Variants in CAPZB observed in about 807,000 individuals in gnomAD.
The protein encoded by CAPZB is F-actin-capping protein subunit beta.
In CAPZB, 2 loss-of-function variants were observed where a neutral mutation model predicts 38.1. The ratio of observed to expected loss-of-function variants is 0.05; its 90% CI spans 0.02 to 0.17. CAPZB has a LOEUF of 0.17. Ranked by LOEUF, CAPZB falls within the 10% of genes least tolerant of loss-of-function variation. The pLI is 1.00. For missense variants in CAPZB, 161 were observed against 334.2 expected, an observed-to-expected ratio of 0.48 and a Z score of 4.04; for synonymous variants, 107 against 127.4, an observed-to-expected ratio of 0.84 and a Z score of 1.08.
intron 4 of CAPZB, among the ~76,000 whole-genome samples, chr1:19,364,387 G>A (rs1418057080): frequency 6.6e-6 from 1 of 152,168 alleles, no homozygotes; most frequent in South Asian, 2.1e-4. Context: ...CAGTGACAGT[G>A]AACTCATTAC....
In CAPZB at chr1:19,416,860, C is replaced by CAAAAAAAAAAAAAAAAAAAAAAAAAAA. The variant is rs59789230; in HGVS notation, c.93+2774_93+2800dup. ...TGGGTGACAGAGCAAGACCCTGTCT[C>CAAAAAAAAAAAAAAAAAAAAAAAAAAA]AAAAAAAAAAAAAAAAAAAAAAAAA... On this transcript the variant is annotated intron_variant, in intron 2 of 8. Coordinates refer to ENST00000264202, the MANE Select transcript of CAPZB (RefSeq NM_004930.5). Among the ~76,000 whole-genome samples, 8 of 69,446 alleles carry CAAAAAAAAAAAAAAAAAAAAAAAAAAA rather than the reference C, an allele frequency of 1.2e-4. 1 individual carries two copies. Among genetic ancestry groups the CAAAAAAAAAAAAAAAAAAAAAAAAAAA allele is most frequent in the African/African-American group, 4.2e-4 (7 of 16,808 alleles). 45.6% of individuals were successfully genotyped at this position (69,446 alleles called of 152,430 possible).
chr1:19,466,175 T>C (rs1302439118), intron 1 of CAPZB, among the ~76,000 whole-genome samples: 2 of 151,936 alleles, frequency 1.3e-5, no homozygotes, highest in Non-Finnish European at 2.9e-5. Flanking sequence ...GACTCAGAGG[T>C]GAATCTGTGC....
intron 4 of CAPZB, among the ~76,000 whole-genome samples, chr1:19,358,457 AATCAAATGGAAGAGGGATTTCTAATTACG>A (rs1458227587): frequency 5.9e-5 from 9 of 152,302 alleles, no homozygotes; most frequent in Admixed American, 5.9e-4. Flanking sequence ...TTCTAATTAT[AATCAAATGGAAGAGGGATTTCTAATTACG>A]ATCAAATGGA....
intron 1 of CAPZB, chr1:19,449,134 C>A: frequency 7.1e-7 from 1 of 1,400,774 alleles, no homozygotes; most frequent in Non-Finnish European, 9.3e-7. Context: ...AAACTCCTGA[C>A]CGTAGAGTCT....
At chr1:19,478,493 A>C (rs1423175062) in intron 1 of CAPZB, among the ~76,000 whole-genome samples, 1 of 152,078 alleles carries the variant, frequency 6.6e-6, no homozygotes, top group African/African-American at 2.4e-5. Flanking sequence ...AAAACCTAAC[A>C]CTAGAAAGTT....
rs540006589 is a variant in CAPZB, at chr1:19,409,284, A to T, written c.93+10377T>A. Among the ~76,000 whole-genome samples, 2 of 152,208 alleles carry T rather than the reference A, an allele frequency of 1.3e-5. 1 individual carries two copies. The highest frequency in any genetic ancestry group is 4.8e-5 in the African/African-American group (2 of 41,538). On this transcript the variant is annotated intron_variant, in intron 2 of 8. Coordinates refer to ENST00000264202, the MANE Select transcript of CAPZB (RefSeq NM_004930.5). ...CTGCCCTTTATCCCTCAAGAGACTC[A>T]ATGCCAAGGTGAGGGGATCCACTTC...
intron 1 of CAPZB, among the ~76,000 whole-genome samples, chr1:19,427,087 G>A (rs951416161): frequency 6.6e-6 from 1 of 152,190 alleles, no homozygotes; most frequent in Non-Finnish European, 1.5e-5. Flanking sequence ...TTCCTAGCTG[G>A]GGCCAACTGC....
At chr1:19,436,648 T>A (rs1314896104) in intron 1 of CAPZB, among the ~76,000 whole-genome samples, 1 of 149,414 alleles carries the variant, frequency 6.7e-6, no homozygotes, top group Non-Finnish European at 1.5e-5. Context: ...CCAATGGGGG[T>A]CTTGGAGTAT....
At position 19,485,443 on chromosome 1, in the gene CAPZB, G is replaced by A. The variant is rs2094648200; in HGVS notation, c.-5C>T. The A allele has an allele frequency of 8.2e-7, 1 of 1,218,838 alleles. No homozygotes were observed. The highest frequency in any genetic ancestry group is 1.0e-6 in the Non-Finnish European group (1 of 977,438). The allele number at this position is 1,218,838 out of a possible 1,614,324, so 75.5% of individuals were successfully genotyped here. ...GGGCCGTGCGGCCTTTACCATGGTGGCGGCGGCGGCGGCGGTCCCGGTCCC... is the reference window on the plus strand; with the variant it reads ...GGGCCGTGCGGCCTTTACCATGGTGACGGCGGCGGCGGCGGTCCCGGTCCC... On this transcript the variant is annotated 5_prime_UTR_variant, in exon 1 of 9. Coordinates refer to ENST00000264202, the MANE Select transcript of CAPZB (RefSeq NM_004930.5).
chr1:19,481,404 T>C (rs543207220), intron 1 of CAPZB, among the ~76,000 whole-genome samples: 1 of 152,188 alleles, frequency 6.6e-6, no homozygotes, highest in African/African-American at 2.4e-5. Context: ...CTGCTCACTG[T>C]GTTCTGGAAA....
intron 3 of CAPZB, among the ~76,000 whole-genome samples, chr1:19,383,468 T>A (rs960276870): frequency 1.4e-5 from 2 of 141,204 alleles, no homozygotes; most frequent in African/African-American, 2.7e-5. Context: ...AAAAAAAAAT[T>A]AGCTGGGCAT....
intron 2 of CAPZB, among the ~76,000 whole-genome samples, chr1:19,392,236 C>T (rs919492082): frequency 1.3e-5 from 2 of 150,238 alleles, no homozygotes; most frequent in Non-Finnish European, 3.0e-5. Flanking sequence ...CAGGAGACGA[C>T]AGAAGGGGGT....
At chr1:19,345,322 C>G in intron 6 of CAPZB, 70 bp from the exon 7 acceptor site, 2 of 1,246,668 alleles carry the variant, frequency 1.6e-6, no homozygotes, top group Non-Finnish European at 2.3e-6. Flanking sequence ...CAGCCCACCC[C>G]ACCTCCACGG....
chr1:19,385,235 A>G (rs1486532809), intron 3 of CAPZB, among the ~76,000 whole-genome samples: 2 of 152,206 alleles, frequency 1.3e-5, no homozygotes, highest in Non-Finnish European at 2.9e-5. Context: ...AGATCCATGA[A>G]GGCAGGGGGC....
intron 1 of CAPZB, among the ~76,000 whole-genome samples, chr1:19,483,727 C>T (rs1044877063): frequency 2.6e-4 from 39 of 152,342 alleles, no homozygotes; most frequent in African/African-American, 8.4e-4. Flanking sequence ...AAGTCGTTCT[C>T]CATCAAGGCC....
At chr1:19,424,592 G>C (rs1449389556) in intron 1 of CAPZB, 1 of 152,346 alleles carries the variant, frequency 6.6e-6, no homozygotes, top group African/African-American at 2.4e-5. Context: ...AAACGGAGCA[G>C]GTCAAAAAAT....
chr1:19,426,052 T>A (rs1223162784), intron 1 of CAPZB, among the ~76,000 whole-genome samples: 1 of 151,852 alleles, frequency 6.6e-6, no homozygotes. Flanking sequence ...TAAGGAGAGG[T>A]GAGCCAGGTG....
Position 19,466,216 on chromosome 1 carries a change from C to T in CAPZB, c.3+19220G>A, listed in dbSNP as rs186104906. On this transcript the variant is annotated intron_variant, in intron 1 of 8. Transcript: ENST00000264202. ...GCCTACTCCACCAGCTCCACAGCTC[C>T]GCCAGGAGGGTCTTTCACTCCCACA... Among the ~76,000 whole-genome samples, 357 of 152,278 alleles carry T rather than the reference C, an allele frequency of 2.3e-3. 1 individual carries two copies. The highest frequency in any genetic ancestry group is 8.2e-3 in the African/African-American group (342 of 41,568).
chr1:19,411,814 C>T (rs751193930), intron 2 of CAPZB, among the ~76,000 whole-genome samples: 10 of 152,150 alleles, frequency 6.6e-5, no homozygotes, highest in Non-Finnish European at 1.3e-4. Context: ...CAAATCATGC[C>T]ATTTCTTCCT....
Sources: gnomAD v4.1 joint callset for allele counts (sites outside exome capture counted in the v4.1 genomes callset) on GRCh38, gnomAD v4.1.1 for gene constraint, MANE v1.5 for transcripts, NCBI Gene and HGNC (gene_info 2026-07-23, HGNC 2026-07-21) for gene names.